The following ELOB variants were observed in gnomAD, a reference collection of about 807,000 sequenced individuals.
ELOB encodes the protein elongin-B.
Under a neutral mutation model 12.9 loss-of-function variants are expected in ELOB, and 3 were observed. The ratio of observed to expected loss-of-function variants is 0.23; its 90% CI spans 0.11 to 0.60. ELOB has a LOEUF of 0.60. Among genes scored for constraint, ELOB ranks in the 20% least tolerant of loss-of-function variants. The pLI, the probability that ELOB is intolerant of heterozygous loss-of-function variation, is 0.89. For missense variants in ELOB, 126 were observed against 159.2 expected (o/e 0.79, Z 1.12); for synonymous variants, 84 against 67.4 (o/e 1.25, Z -1.21).
intron 3 of ELOB, among the ~76,000 whole-genome samples, chr16:2,774,073 C>T (rs1453666307): frequency 5.9e-5 from 9 of 152,144 alleles, no homozygotes; most frequent in Admixed American, 5.2e-4. Context: ...CTACTAAAAA[C>T]ACAAAGATTA....
intron 3 of ELOB, among the ~76,000 whole-genome samples, chr16:2,773,081 C>G (rs1371593874): frequency 6.6e-6 from 1 of 152,144 alleles, no homozygotes; most frequent in Non-Finnish European, 1.5e-5. Flanking sequence ...AAAGGCCTTC[C>G]CTGTCTTGTC....
At position 2,777,280 on chromosome 16, in the gene ELOB, C is replaced by G; in HGVS notation, c.-41G>C. ...TCCCCTCGACGCGCCGGCGCAGCCG[C>G]GCTCCGCCCCGTTCCCGGCAGCCCG... is the stretch of plus-strand genomic sequence containing the variant. On this transcript the variant is annotated 5_prime_UTR_variant, in exon 1 of 4. Transcript: ENST00000409906. 1 of 1,011,150 alleles carries G rather than the reference C, an allele frequency of 9.9e-7. No individual in the cohort carries two copies. The highest frequency in any genetic ancestry group is 4.4e-5 in the South Asian group (1 of 22,838). 62.6% of individuals were successfully genotyped at this position (1,011,150 alleles called of 1,614,324 possible).
chr16:2,771,763 A>T lies in ELOB; in HGVS notation c.*227T>A. ...AGCTGCTAACAATGGCTTGGGTCTC[A>T]GGGCAACCCAGGTCCCCATGGTGCC... On this transcript the variant is annotated 3_prime_UTR_variant, in exon 4 of 4. Transcript: ENST00000409906. The T allele has an allele frequency of 6.8e-7, 1 of 1,479,514 alleles. No individual in the cohort carries two copies. The highest frequency in any genetic ancestry group is 1.4e-5 in the South Asian group (1 of 72,574). 91.6% of individuals were successfully genotyped at this position (1,479,514 alleles called of 1,614,324 possible). A position where few individuals can be genotyped will look rare whatever the true frequency, so the allele number is the denominator to read the frequency against.
intron 3 of ELOB, 95 bp from the exon 4 acceptor site, chr16:2,772,197 A>C: frequency 7.2e-7 from 1 of 1,397,632 alleles, no homozygotes; most frequent in Non-Finnish European, 9.5e-7. Flanking sequence ...AGCTTTGGGG[A>C]TCTCCATGCG....
At chr16:2,774,543 A>C (rs116313732) in intron 3 of ELOB, among the ~76,000 whole-genome samples, 4,448 of 152,292 alleles carry the variant, frequency 0.029, 241 homozygotes, top group African/African-American at 0.1. Flanking sequence ...AACTTATGGA[A>C]CGGAAAGGTG....
At chr16:2,775,318 T>G in intron 3 of ELOB, 133 bp downstream of exon 3, 3 of 526,188 alleles carry the variant, frequency 5.7e-6, no homozygotes, top group Non-Finnish European at 9.7e-6. Flanking sequence ...TGAAAGGATA[T>G]TGCCAGCCCT....
At chr16:2,775,309 GA>G (rs1397067062) in intron 3 of ELOB, 141 bp downstream of exon 3, 30 of 500,642 alleles carry the variant, frequency 6.0e-5, no homozygotes, top group Non-Finnish European at 1.0e-4. Flanking sequence ...AACACATTGT[GA>G]AAGGATATTG....
intron 2 of ELOB, 121 bp downstream of exon 2, chr16:2,776,872 C>G: frequency 7.3e-7 from 1 of 1,361,034 alleles, no homozygotes; most frequent in Non-Finnish European, 9.7e-7. Context: ...TGTCCCAGTC[C>G]CGCGGCTCGG....
chr16:2,774,906 G>A (rs1443515291), intron 3 of ELOB, among the ~76,000 whole-genome samples: 2 of 152,100 alleles, frequency 1.3e-5, no homozygotes, highest in Non-Finnish European at 2.9e-5. Context: ...ACCTCCCCAG[G>A]CTCACTTTAC....
chr16:2,776,946 G>A (rs1403473941), intron 2 of ELOB, 47 bp downstream of exon 2: 2 of 1,528,142 alleles, frequency 1.3e-6, no homozygotes, highest in African/African-American at 1.4e-5. Flanking sequence ...TCAGCCCCGT[G>A]CCCGGCGCCG....
chr16:2,772,206 C>G, intron 3 of ELOB, 104 bp from the exon 4 acceptor site: 1 of 1,333,216 alleles, frequency 7.5e-7, no homozygotes, highest in Non-Finnish European at 1.0e-6. Context: ...GATCTCCATG[C>G]GAACGCCCCT....
chr16:2,772,010 T>C lies in ELOB; in HGVS notation c.337A>G (p.Asn113Asp). 1 of 1,612,766 alleles carries C rather than the reference T, an allele frequency of 6.2e-7. No homozygotes were observed. The highest frequency in any genetic ancestry group is 8.5e-7 in the Non-Finnish European group (1 of 1,179,552). Reference protein sequence around the residue: ...MKPQDSGSSANEQAVQ With the variant: ...MKPQDSGSSADEQAVQ ...GGTCCTCACTGCACGGCTTGTTCATTGGCACTGCTTCCCGAGTCCTGGGGC... is the reference window on the plus strand; with the variant it reads ...GGTCCTCACTGCACGGCTTGTTCATCGGCACTGCTTCCCGAGTCCTGGGGC... Residue 113 changes from asparagine (N) to aspartate (D), a missense_variant, in exon 4 of 4, where the codon AAT becomes GAT. By Grantham distance (23) the Asn-to-Asp change is conservative. Transcript: ENST00000409906.
At chr16:2,777,184 GC>G in intron 1 of ELOB, 52 bp downstream of exon 1, 1 of 953,954 alleles carries the variant, frequency 1.0e-6, no homozygotes, top group Non-Finnish European at 1.2e-6. Context: ...CGGCCCAGCC[GC>G]CCCCCGCCGC....
chr16:2,777,278 C>G lies in ELOB; in HGVS notation c.-39G>C. Reference sequence around the variant, plus strand: ...TCTCCCCTCGACGCGCCGGCGCAGCCGCGCTCCGCCCCGTTCCCGGCAGCC... The same window carrying G: ...TCTCCCCTCGACGCGCCGGCGCAGCGGCGCTCCGCCCCGTTCCCGGCAGCC... On this transcript the variant is annotated 5_prime_UTR_variant, in exon 1 of 4. Coordinates refer to ENST00000409906, the MANE Select transcript of ELOB (RefSeq NM_007108.4). 2 of 1,014,222 alleles carry G rather than the reference C, an allele frequency of 2.0e-6. No individual in the cohort carries two copies. The highest frequency in any genetic ancestry group is 2.4e-6 in the Non-Finnish European group (2 of 850,268). 62.8% of individuals were successfully genotyped at this position (1,014,222 alleles called of 1,614,324 possible).
At chr16:2,772,366 G>T in intron 3 of ELOB, 1 of 281,654 alleles carries the variant, frequency 3.6e-6, no homozygotes, top group Non-Finnish European at 6.8e-6. Flanking sequence ...CATCTTCCAT[G>T]TCCACTAGTG....
At chr16:2,775,612 C>A in intron 2 of ELOB, 56 bp from the exon 3 acceptor site, 1 of 1,452,484 alleles carries the variant, frequency 6.9e-7, no homozygotes, top group Non-Finnish European at 9.4e-7. Context: ...GTCCCAAAGA[C>A]TTCTGACCAG....
chr16:2,774,475 G>A (rs1567256861), intron 3 of ELOB, among the ~76,000 whole-genome samples: 2 of 152,232 alleles, frequency 1.3e-5, no homozygotes, highest in African/African-American at 2.4e-5. Context: ...GCCAGGAGGG[G>A]CAGGAGGGCA....
At chr16:2,774,754 G>T (rs767911629) in intron 3 of ELOB, among the ~76,000 whole-genome samples, 1 of 152,080 alleles carries the variant, frequency 6.6e-6, no homozygotes, top group Non-Finnish European at 1.5e-5. Flanking sequence ...CTTTCTCTTG[G>T]GTGGAAGAAG....
chr16:2,774,284 C>G (rs2068786400), intron 3 of ELOB, among the ~76,000 whole-genome samples: 1 of 152,206 alleles, frequency 6.6e-6, no homozygotes, highest in Admixed American at 6.5e-5. Flanking sequence ...TGTGTCTATG[C>G]CAGCCCTGCA....
Sources: gnomAD v4.1 joint callset for allele counts (sites outside exome capture counted in the v4.1 genomes callset) on GRCh38, gnomAD v4.1.1 for gene constraint, MANE v1.5 for transcripts, NCBI Gene and HGNC (gene_info 2026-07-23, HGNC 2026-07-21) for gene names.